KCNQ3: variants seen among roughly 807,000 people sequenced by gnomAD.
KCNQ3 encodes potassium voltage-gated channel subfamily KQT member 3.
In KCNQ3, 30 loss-of-function variants were observed where a neutral mutation model predicts 92.5. The observed-to-expected ratio is 0.32, with a 90% CI of 0.24 to 0.44. KCNQ3 has a LOEUF of 0.44. Among genes scored for constraint, KCNQ3 ranks in the 20% least tolerant of loss-of-function variants. KCNQ3 has a pLI of 1.00. For synonymous variants in KCNQ3, 450 were observed against 468.8 expected, an observed-to-expected ratio of 0.96 and a Z score of 0.52; for missense variants, 913 against 1,140.3, an observed-to-expected ratio of 0.80 and a Z score of 2.87.
chr8:132,147,246 G>A (rs900848404), intron 9 of KCNQ3, among the ~76,000 whole-genome samples: 4 of 152,190 alleles, frequency 2.6e-5, no homozygotes, highest in African/African-American at 9.7e-5. Flanking sequence ...ACGGGTTCTA[G>A]ATGGGCTGTG....
At chr8:132,303,606 G>GTA (rs369419617) in intron 1 of KCNQ3, among the ~76,000 whole-genome samples, 2,268 of 35,034 alleles carry the variant, frequency 0.065, 370 homozygotes, top group Middle Eastern at 0.1. Context: ...TATATGGTGT[G>GTA]TATATATATA....
chr8:132,209,855 G>A (rs949020453), intron 1 of KCNQ3, among the ~76,000 whole-genome samples: 1 of 152,146 alleles, frequency 6.6e-6, no homozygotes, highest in East Asian at 1.9e-4. Context: ...AATTTATGAT[G>A]GTTTTACTGG....
At chr8:132,259,761 G>A (rs1401869023) in intron 1 of KCNQ3, among the ~76,000 whole-genome samples, 1 of 151,904 alleles carries the variant, frequency 6.6e-6, no homozygotes, top group African/African-American at 2.4e-5. Flanking sequence ...TCTCAAGGAA[G>A]TCACTAAAAA....
chr8:132,129,403 C>A lies in KCNQ3; in HGVS notation c.2478G>T (p.Trp826Cys). The A allele has an allele frequency of 1.2e-6, 2 of 1,614,220 alleles. No homozygotes were observed. Among genetic ancestry groups the A allele is most frequent in the South Asian group, 1.1e-5 (1 of 91,084 alleles). The change falls in exon 15 of 15, where the codon TGG becomes TGT. Residue 826 changes from tryptophan to cysteine, a missense_variant. Trp to Cys is a radical substitution (Grantham distance 215). Around this residue, in one of 6 missense-constraint regions of KCNQ3, gnomAD observed 375 missense variants for 376.4 expected, o/e 1.00. Transcript: ENST00000388996. The surrounding 1 kb of genome is among the most constrained non-coding windows in gnomAD (Gnocchi z 5.9). ...YVFGPNGGSS[W>C]MREKRYLAEG... ...CGGCGAGGTACCGCTTCTCCCTCAT[C>A]CAGCTCGACCCCCCATTGGGGCCGA...
intron 1 of KCNQ3, among the ~76,000 whole-genome samples, chr8:132,268,796 G>A (rs953438775): frequency 6.6e-6 from 1 of 152,186 alleles, no homozygotes; most frequent in African/African-American, 2.4e-5. Flanking sequence ...CGTTTTGTAA[G>A]AAACTGTCAA....
intron 3 of KCNQ3, 89 bp from the exon 4 acceptor site, chr8:132,180,418 C>A: frequency 7.0e-7 from 1 of 1,425,636 alleles, no homozygotes; most frequent in Non-Finnish European, 9.8e-7. Context: ...TGTTTGCTGG[C>A]AGATCAGCAT....
chr8:132,194,387 T>C (rs73356945), intron 1 of KCNQ3, among the ~76,000 whole-genome samples: 17,866 of 152,174 alleles, frequency 0.12, 1,969 homozygotes, highest in African/African-American at 0.29. Flanking sequence ...ACCCACTGTG[T>C]GCCAGGGGTT....
chr8:132,414,211 GGGAAGGTCACCA>G (rs1265462016), intron 1 of KCNQ3, among the ~76,000 whole-genome samples: 1 of 152,150 alleles, frequency 6.6e-6, no homozygotes, highest in Non-Finnish European at 1.5e-5. Flanking sequence ...ATCACAGAGG[GGGAAGGTCACCA>G]GCCCCTGGTC....
In KCNQ3 at chr8:132,422,371, G is replaced by A. The variant is rs145312062; in HGVS notation, c.386+57776C>T. On this transcript the variant is annotated intron_variant, in intron 1 of 14. Coordinates refer to ENST00000388996, the MANE Select transcript of KCNQ3 (RefSeq NM_004519.4). ...GCATCACTCCAGTGATCGCTGACCT[G>A]GTTCCCCACTAAGACTCAGCAGAGC... Among the ~76,000 whole-genome samples, 70 of 152,228 alleles carry A rather than the reference G, an allele frequency of 4.6e-4. No individual in the cohort carries two copies. In the East Asian group the frequency reaches 0.012, roughly 25 times the overall value.
At chr8:132,222,140 T>C (rs1255037948) in intron 1 of KCNQ3, among the ~76,000 whole-genome samples, 1 of 152,206 alleles carries the variant, frequency 6.6e-6, no homozygotes, top group Non-Finnish European at 1.5e-5. Context: ...ACCTACAGAA[T>C]GGGAGAAAAT....
At chr8:132,431,893 T>C (rs2130824984) in intron 1 of KCNQ3, among the ~76,000 whole-genome samples, 1 of 152,288 alleles carries the variant, frequency 6.6e-6, no homozygotes, top group East Asian at 1.9e-4. Context: ...TCCATGATCT[T>C]TGACTGGGTC....
In KCNQ3 at chr8:132,132,112, A is replaced by G. The variant is rs111395382; in HGVS notation, c.1884+68T>C. 1,205 of 1,105,054 alleles carry G rather than the reference A, an allele frequency of 1.1e-3. 6 individuals carry two copies. In the African/African-American group the frequency reaches 0.016, roughly 15 times the overall value. 68.5% of individuals were successfully genotyped at this position (1,105,054 alleles called of 1,614,324 possible). ...TAAAAAAAAAAAAGAAAGAAAGAAA[A>G]AAAAGAAATGGCATTTGAAAATAAA... is the stretch of plus-strand genomic sequence containing the variant. On this transcript the variant is annotated intron_variant, in intron 14 of 14. Transcript: ENST00000388996.
At chr8:132,163,913 C>A (rs1406367194) in intron 8 of KCNQ3, among the ~76,000 whole-genome samples, 2 of 152,182 alleles carry the variant, frequency 1.3e-5, no homozygotes, top group African/African-American at 4.8e-5. Context: ...ATTGTCTTAA[C>A]TCAATTAATC....
intron 1 of KCNQ3, among the ~76,000 whole-genome samples, chr8:132,311,585 G>T (rs1272829633): frequency 6.6e-6 from 1 of 152,198 alleles, no homozygotes; most frequent in Non-Finnish European, 1.5e-5. Context: ...AAAGTGATAA[G>T]CCAATTATTA....
chr8:132,438,758 C>A (rs1442556358), intron 1 of KCNQ3, among the ~76,000 whole-genome samples: 1 of 151,964 alleles, frequency 6.6e-6, no homozygotes, highest in Non-Finnish European at 1.5e-5. Flanking sequence ...CAGCGTAAGA[C>A]TCTCTAAGGA....
chr8:132,414,821 C>CT (rs1820752118), intron 1 of KCNQ3, among the ~76,000 whole-genome samples: 1 of 152,180 alleles, frequency 6.6e-6, no homozygotes, highest in African/African-American at 2.4e-5. Context: ...TTGGAGCCAC[C>CT]TACAAGATCA....
At chr8:132,378,966 A>G (rs1819676409) in intron 1 of KCNQ3, among the ~76,000 whole-genome samples, 1 of 152,234 alleles carries the variant, frequency 6.6e-6, no homozygotes, top group African/African-American at 2.4e-5. Context: ...ACTTCAGAAG[A>G]AGCACTGAGA....
At chr8:132,140,372 C>G in intron 10 of KCNQ3, 194 bp from the exon 11 acceptor site, 1 of 568,842 alleles carries the variant, frequency 1.8e-6, no homozygotes, top group Non-Finnish European at 3.1e-6. Context: ...ATTCTATTAC[C>G]CAGAAGTCCA....
intron 1 of KCNQ3, among the ~76,000 whole-genome samples, chr8:132,313,599 C>A (rs1817658798): frequency 6.6e-6 from 1 of 151,914 alleles, no homozygotes; most frequent in African/African-American, 2.4e-5. Context: ...ATCTAGTAAA[C>A]TGAAAATGGA....
Sources: allele counts gnomAD v4.1 joint callset (sites outside exome capture counted in the v4.1 genomes callset), GRCh38; gene constraint gnomAD v4.1.1; regional missense constraint gnomAD v4.1.1; non-coding constraint Gnocchi (gnomAD v3.1); transcripts MANE v1.5; gene names NCBI Gene and HGNC (gene_info 2026-07-23, HGNC 2026-07-21).